The following STK32C variants were observed in gnomAD, a reference collection of about 807,000 sequenced individuals.
STK32C encodes serine/threonine-protein kinase 32C.
Under a neutral mutation model 56.5 loss-of-function variants are expected in STK32C, and 31 were observed. That is an observed-to-expected ratio of 0.55 (90% CI 0.41 to 0.74). STK32C has a LOEUF of 0.74. STK32C is among the 30% of genes least tolerant of loss of function. The pLI is 0.00. For missense variants in STK32C, 544 were observed against 676.9 expected (o/e 0.80, Z 2.18); for synonymous variants, 309 against 289.4 (o/e 1.07, Z -0.69).
At position 132,249,054 on chromosome 10, in the gene STK32C, C is replaced by T. The variant is rs554121758; in HGVS notation, c.263-3099G>A. The T allele has an allele frequency of 2.7e-5, 13 of 475,856 alleles. No individual in the cohort carries two copies. The East Asian group carries it at 3.1e-4, about 12-fold the overall frequency. 29.5% of individuals were successfully genotyped at this position (475,856 alleles called of 1,614,324 possible). ...CCTGCAAAGCCTCCCGACTGTGCGA[C>T]GGAGGCGGCGGCTCCGGCAGAGGCT... On this transcript the variant is annotated intron_variant, in intron 1 of 11. Coordinates refer to ENST00000298630, the MANE Select transcript of STK32C (RefSeq NM_173575.4).
At chr10:132,262,805 C>G (rs899300766) in intron 1 of STK32C, among the ~76,000 whole-genome samples, 1 of 146,602 alleles carries the variant, frequency 6.8e-6, no homozygotes, top group Admixed American at 6.8e-5. Context: ...CACTTTTCAA[C>G]AGCAGATCCA....
At chr10:132,228,566 C>A (rs2137737477) in intron 2 of STK32C, among the ~76,000 whole-genome samples, 1 of 152,366 alleles carries the variant, frequency 6.6e-6, no homozygotes, top group Non-Finnish European at 1.5e-5. Flanking sequence ...TGAGTTGGAG[C>A]CAAGCAGTGG....
chr10:132,317,734 A>T (rs1370764706), intron 1 of STK32C, among the ~76,000 whole-genome samples: 1 of 152,094 alleles, frequency 6.6e-6, no homozygotes, highest in Non-Finnish European at 1.5e-5. Context: ...CTAAAAAAAT[A>T]AAAATGAGGC....
rs979886633 is a variant in STK32C, at chr10:132,255,524, G to C, written c.263-9569C>G. ...AGGTGGGGGCTAGAGACAGGCATGA[G>C]AGCCGCTGGGCAGGGGTGAGGAGGC... On this transcript the variant is annotated intron_variant, in intron 1 of 11. Coordinates refer to ENST00000298630, the MANE Select transcript of STK32C (RefSeq NM_173575.4). The surrounding 1 kb of genome is among the most constrained non-coding windows in gnomAD (Gnocchi z 4.6). 2.0e-5 allele frequency among the ~76,000 whole-genome samples: 3 copies of C among 152,218 alleles called. No homozygotes were observed. The highest frequency in any genetic ancestry group is 7.2e-5 in the African/African-American group (3 of 41,458).
chr10:132,243,136 G>A (rs1213864025), intron 2 of STK32C, among the ~76,000 whole-genome samples: 1 of 152,198 alleles, frequency 6.6e-6, no homozygotes, highest in African/African-American at 2.4e-5. Flanking sequence ...CTGCATCCAA[G>A]CCACCCACCC....
chr10:132,275,517 T>C lies in STK32C; in HGVS notation c.263-29562A>G, dbSNP rs184527610. ...AAGAGAGCCCAGGACATCCTAGGAT[T>C]TTGCTCCAGAATCACCTCCGAGTCT... On this transcript the variant is annotated intron_variant, in intron 1 of 11. Coordinates refer to ENST00000298630, the MANE Select transcript of STK32C (RefSeq NM_173575.4). Among the ~76,000 whole-genome samples the C allele has an allele frequency of 4.3e-3, 662 of 152,188 alleles. 23 individuals are homozygous for C. The South Asian group carries it at 0.089, about 20-fold the overall frequency.
At chr10:132,285,451 A>G (rs1252609753) in intron 1 of STK32C, among the ~76,000 whole-genome samples, 1 of 152,262 alleles carries the variant, frequency 6.6e-6, no homozygotes, top group African/African-American at 2.4e-5. Flanking sequence ...ACACCACTAT[A>G]TATTTGTAAA....
At chr10:132,231,903 A>G (rs1447272314) in intron 2 of STK32C, among the ~76,000 whole-genome samples, 1 of 152,264 alleles carries the variant, frequency 6.6e-6, no homozygotes, top group Non-Finnish European at 1.5e-5. Flanking sequence ...GGAGCCGCCC[A>G]GAGGGCCCAC....
chr10:132,326,781 C>T (rs1440774304), intron 1 of STK32C, among the ~76,000 whole-genome samples: 3 of 152,182 alleles, frequency 2.0e-5, no homozygotes, highest in Non-Finnish European at 4.4e-5. Context: ...AGGAGGTGCA[C>T]TCAGTCCTCC....
chr10:132,223,138 GC>G, intron 8 of STK32C, 152 bp from the exon 9 acceptor site: 1 of 1,042,916 alleles, frequency 9.6e-7, no homozygotes, highest in Non-Finnish European at 1.4e-6. Flanking sequence ...GAAGGGTGGT[GC>G]CGACGGCCGA....
chr10:132,272,681 C>T (rs1054935421), intron 1 of STK32C, among the ~76,000 whole-genome samples: 1 of 152,234 alleles, frequency 6.6e-6, no homozygotes, highest in South Asian at 2.1e-4. Flanking sequence ...CTGCAACAGC[C>T]TGGTCTCCCC....
At chr10:132,230,290 C>T (rs1359493792) in intron 2 of STK32C, among the ~76,000 whole-genome samples, 1 of 152,252 alleles carries the variant, frequency 6.6e-6, no homozygotes, top group Admixed American at 6.5e-5. Flanking sequence ...TGGCAGGACC[C>T]CCTCCTGCCG....
intron 4 of STK32C, 25 bp downstream of exon 4, chr10:132,226,770 C>A: frequency 6.2e-7 from 1 of 1,606,570 alleles, no homozygotes; most frequent in Non-Finnish European, 8.5e-7. Context: ...TCAGCAGGTA[C>A]CTGCGCCGTC....
chr10:132,249,061 G>T lies in STK32C; in HGVS notation c.263-3106C>A, dbSNP rs545075466. ...AGCCTCCCGACTGTGCGACGGAGGCGGCGGCTCCGGCAGAGGCTCCCAGCT... is the reference window on the plus strand; with the variant it reads ...AGCCTCCCGACTGTGCGACGGAGGCTGCGGCTCCGGCAGAGGCTCCCAGCT... On this transcript the variant is annotated intron_variant, in intron 1 of 11. Coordinates refer to ENST00000298630, the MANE Select transcript of STK32C (RefSeq NM_173575.4). 6.1e-4 allele frequency: 290 copies of T among 478,394 alleles called. 1 individual carries two copies. Among genetic ancestry groups the T allele is most frequent in the African/African-American group, 3.0e-3 (151 of 50,974 alleles). The allele number at this position is 478,394 out of a possible 1,614,324, so 29.6% of individuals were successfully genotyped here.
intron 1 of STK32C, among the ~76,000 whole-genome samples, chr10:132,283,959 A>T (rs1293183394): frequency 6.6e-6 from 1 of 152,120 alleles, no homozygotes; most frequent in East Asian, 1.9e-4. Context: ...GGTCAGAGGC[A>T]AGTACACAGA....
chr10:132,229,931 A>C (rs1203302773), intron 2 of STK32C, among the ~76,000 whole-genome samples: 1 of 152,222 alleles, frequency 6.6e-6, no homozygotes, highest in Non-Finnish European at 1.5e-5. Flanking sequence ...CCTCTCCAGG[A>C]AGCTGACAAC....
At chr10:132,254,359 G>C (rs1414715533) in intron 1 of STK32C, among the ~76,000 whole-genome samples, 5 of 152,230 alleles carry the variant, frequency 3.3e-5, no homozygotes, top group Non-Finnish European at 1.5e-5. Context: ...GCCAGGGCTT[G>C]TATCAAAACT....
intron 1 of STK32C, among the ~76,000 whole-genome samples, chr10:132,331,132 C>T (rs1158891816): frequency 7.7e-6 from 1 of 130,486 alleles, no homozygotes; most frequent in African/African-American, 2.9e-5. Context: ...ACCTGGGAGG[C>T]GGAGGTCGCA....
intron 11 of STK32C, among the ~76,000 whole-genome samples, chr10:132,208,604 T>A (rs967309898): frequency 1.3e-5 from 2 of 152,134 alleles, no homozygotes; most frequent in Non-Finnish European, 2.9e-5. Context: ...CATCCTCCCT[T>A]GGGCCCCACC....
Sources: gnomAD v4.1 joint callset for allele counts (sites outside exome capture counted in the v4.1 genomes callset) on GRCh38, gnomAD v4.1.1 for gene constraint, Gnocchi (gnomAD v3.1) non-coding constraint, MANE v1.5 for transcripts, NCBI Gene and HGNC (gene_info 2026-07-23, HGNC 2026-07-21) for gene names.